Variants in CTNNA2 observed in about 807,000 individuals in gnomAD.
CTNNA2 encodes catenin alpha-2.
CTNNA2 carries 42 observed loss-of-function variants against 101.0 expected under a neutral mutation model. The ratio of observed to expected loss-of-function variants is 0.42; its 90% confidence interval spans 0.32 to 0.54. CTNNA2 has a LOEUF of 0.54. Among genes scored for constraint, CTNNA2 ranks in the 20% least tolerant of loss-of-function variants. CTNNA2 has a pLI of 0.14. For synonymous variants in CTNNA2, 450 were observed against 456.4 expected (o/e 0.99, Z 0.18); for missense variants, 871 against 1,223.1 (o/e 0.71, Z 4.29).
At chr2:80,251,165 C>G (rs774159466) in intron 7 of CTNNA2, among the ~76,000 whole-genome samples, 12 of 152,162 alleles carry the variant, frequency 7.9e-5, no homozygotes, top group Non-Finnish European at 1.6e-4. Flanking sequence ...CTTAGTAGCA[C>G]TGATGCAGGG....
At position 80,160,162 on chromosome 2, in the gene CTNNA2, G is replaced by A. The variant is rs145949915; in HGVS notation, c.1057-233049G>A. 1.4e-4 allele frequency among the ~76,000 whole-genome samples: 22 copies of A among 152,228 alleles called. No homozygotes were observed. In the East Asian group the frequency reaches 4.3e-3, roughly 29 times the overall value. On this transcript the variant is annotated intron_variant, in intron 7 of 18. Transcript: ENST00000402739. ...GGTCCTCTGTTCCATTGTACTATGTGTTGATTTTTCCACCAATATGACAGT... is the reference window on the plus strand; with the variant it reads ...GGTCCTCTGTTCCATTGTACTATGTATTGATTTTTCCACCAATATGACAGT...
At chr2:79,877,706 A>T (rs986743832) in intron 6 of CTNNA2, among the ~76,000 whole-genome samples, 1 of 152,198 alleles carries the variant, frequency 6.6e-6, no homozygotes, top group Non-Finnish European at 1.5e-5. Context: ...TCTCTTACTG[A>T]TACTTGGTAT....
chr2:79,236,634 C>CT (rs947692600), intron 2 of CTNNA2, among the ~76,000 whole-genome samples: 1 of 152,202 alleles, frequency 6.6e-6, no homozygotes, highest in African/African-American at 2.4e-5. Flanking sequence ...AGTCAGCTCT[C>CT]CCAAACCCTG....
At chr2:79,971,226 G>A (rs1690457077) in intron 7 of CTNNA2, among the ~76,000 whole-genome samples, 1 of 152,128 alleles carries the variant, frequency 6.6e-6, no homozygotes, top group South Asian at 2.1e-4. Context: ...TACAGACATA[G>A]TCAGCTATTT....
chr2:80,147,511 C>T (rs990403240), intron 7 of CTNNA2, among the ~76,000 whole-genome samples: 3 of 152,170 alleles, frequency 2.0e-5, no homozygotes, highest in Middle Eastern at 3.2e-3. Flanking sequence ...AGAAAACACT[C>T]ACCACCCACG....
At chr2:79,285,381 G>A (rs930015486) in intron 2 of CTNNA2, among the ~76,000 whole-genome samples, 2 of 149,354 alleles carry the variant, frequency 1.3e-5, no homozygotes, top group Non-Finnish European at 3.0e-5. Flanking sequence ...GCTTTCTCTT[G>A]TGGGCATTTA....
chr2:79,645,520 G>A (rs139057381), intron 1 of CTNNA2, among the ~76,000 whole-genome samples: 1,753 of 152,198 alleles, frequency 0.012, 49 homozygotes, highest in African/African-American at 0.039. Context: ...AAGCAATTCA[G>A]GGTTTTCAGA....
chr2:80,218,459 C>T (rs1271419362), intron 7 of CTNNA2, among the ~76,000 whole-genome samples: 1 of 152,218 alleles, frequency 6.6e-6, no homozygotes, highest in Non-Finnish European at 1.5e-5. Context: ...GGGCAGACAT[C>T]CGATTATTGA....
At chr2:80,606,952 A>G (rs188227465) in intron 16 of CTNNA2, among the ~76,000 whole-genome samples, 1 of 152,040 alleles carries the variant, frequency 6.6e-6, no homozygotes, top group African/African-American at 2.4e-5. Context: ...ATATTACAGT[A>G]TGAAGTACTT....
intron 1 of CTNNA2, among the ~76,000 whole-genome samples, chr2:79,540,243 A>G (rs1673324455): frequency 1.3e-5 from 2 of 152,214 alleles, no homozygotes; most frequent in South Asian, 4.1e-4. Flanking sequence ...GTGTTTAGGT[A>G]CAACACCTGG....
chr2:79,900,792 A>C (rs1234949628), intron 6 of CTNNA2, among the ~76,000 whole-genome samples: 1 of 152,082 alleles, frequency 6.6e-6, no homozygotes, highest in Non-Finnish European at 1.5e-5. Flanking sequence ...AAATAACTAA[A>C]AGAGTATAAT....
At chr2:79,939,099 A>G (rs893772721) in intron 7 of CTNNA2, among the ~76,000 whole-genome samples, 60 of 152,180 alleles carry the variant, frequency 3.9e-4, no homozygotes, top group Non-Finnish European at 1.6e-4. Context: ...AGAATTTTGA[A>G]CACAAAATGA....
intron 7 of CTNNA2, among the ~76,000 whole-genome samples, chr2:80,061,818 T>C (rs556584616): frequency 1.3e-5 from 2 of 152,336 alleles, no homozygotes; most frequent in South Asian, 2.1e-4. Flanking sequence ...CAATGTATTT[T>C]ATAGATGAGT....
intron 4 of CTNNA2, among the ~76,000 whole-genome samples, chr2:79,478,476 G>A (rs1351406222): frequency 6.6e-6 from 1 of 152,168 alleles, no homozygotes; most frequent in Admixed American, 6.5e-5. Flanking sequence ...TCGATGATCA[G>A]ATAGAAGGAG....
chr2:79,855,549 A>G (rs887322655), intron 3 of CTNNA2, among the ~76,000 whole-genome samples: 2 of 152,138 alleles, frequency 1.3e-5, no homozygotes, highest in African/African-American at 2.4e-5. Context: ...TTGAAAATAT[A>G]TTGGATTAGG....
intron 4 of CTNNA2, among the ~76,000 whole-genome samples, chr2:79,374,412 T>C (rs1471214164): frequency 2.0e-5 from 3 of 152,208 alleles, no homozygotes; most frequent in Admixed American, 6.5e-5. Flanking sequence ...AATCTAAGAC[T>C]GATTCATGGA....
chr2:80,514,641 A>G (rs1688965788), intron 9 of CTNNA2, among the ~76,000 whole-genome samples: 1 of 152,006 alleles, frequency 6.6e-6, no homozygotes, highest in South Asian at 2.1e-4. Flanking sequence ...CAGGCAGGTA[A>G]ACTTCCTTGA....
chr2:79,718,824 G>C (rs1288982012), intron 2 of CTNNA2, among the ~76,000 whole-genome samples: 3 of 140,266 alleles, frequency 2.1e-5, no homozygotes, highest in Non-Finnish European at 4.7e-5. Flanking sequence ...TTTCCCACTT[G>C]TTTTTTTTTT....
intron 9 of CTNNA2, among the ~76,000 whole-genome samples, chr2:80,423,020 A>C (rs977991334): frequency 6.6e-6 from 1 of 152,020 alleles, no homozygotes; most frequent in South Asian, 2.1e-4. Context: ...TTTTTGTTAG[A>C]TGTATAAGGA....
Sources: allele counts gnomAD v4.1 joint callset (sites outside exome capture counted in the v4.1 genomes callset), GRCh38; gene constraint gnomAD v4.1.1; transcripts MANE v1.5; gene names NCBI Gene and HGNC (gene_info 2026-07-23, HGNC 2026-07-21).